Variants in MIGA1 observed in about 807,000 individuals in gnomAD.
MIGA1 encodes the protein family with sequence similarity 73, member A.
In MIGA1, 58 loss-of-function variants were observed where a neutral mutation model predicts 82.0. The observed-to-expected ratio is 0.71, with a 90% CI of 0.57 to 0.88. MIGA1 has a LOEUF of 0.88. Among genes scored for constraint, MIGA1 ranks in the 40% least tolerant of loss-of-function variants. The probability of loss-of-function intolerance (pLI) is 0.00; values close to 1 mark genes in which losing one functional copy is unlikely to be tolerated. For missense variants in MIGA1, 751 were observed against 749.1 expected (o/e 1.00, Z -0.03); for synonymous variants, 249 against 253.6 (o/e 0.98, Z 0.17).
chr1:77,825,728 G>A (rs1684004957), intron 7 of MIGA1, among the ~76,000 whole-genome samples: 1 of 152,088 alleles, frequency 6.6e-6, no homozygotes, highest in Admixed American at 6.5e-5. Context: ...TATTTTCAGA[G>A]ATTGTTAAAT....
At chr1:77,783,185 A>G (rs1006564026) in intron 1 of MIGA1, 53 bp from the exon 2 acceptor site, 1 of 1,265,914 alleles carries the variant, frequency 7.9e-7, no homozygotes, top group Non-Finnish European at 1.1e-6. Flanking sequence ...TTTCATTGGT[A>G]AAGTAACCAG....
chr1:77,843,414 C>A lies in MIGA1; in HGVS notation c.996+7C>A, dbSNP rs763892116. ...CTTTGCTTCCGCAGCAGAGGTAGGA[C>A]ATATGTGTTCCTAATGAGGATTTCT... On this transcript the variant is annotated splice_region_variant and intron_variant, in intron 8 of 15. Coordinates refer to ENST00000370791, the MANE Select transcript of MIGA1 (RefSeq NM_198549.4). 8.7e-6 allele frequency: 14 copies of A among 1,604,464 alleles called. No individual in the cohort carries two copies. Among genetic ancestry groups the A allele is most frequent in the Non-Finnish European group, 1.2e-5 (14 of 1,171,480 alleles).
intron 15 of MIGA1, among the ~76,000 whole-genome samples, chr1:77,874,587 A>G (rs1442116932): frequency 6.6e-6 from 1 of 152,088 alleles, no homozygotes; most frequent in Admixed American, 6.6e-5. Flanking sequence ...CACATAGGTT[A>G]TCTTTTTTGA....
At chr1:77,794,312 C>T (rs537475790) in intron 2 of MIGA1, among the ~76,000 whole-genome samples, 1 of 152,098 alleles carries the variant, frequency 6.6e-6, no homozygotes, top group Non-Finnish European at 1.5e-5. Flanking sequence ...CACCTTATAT[C>T]CTTCAGGATC....
chr1:77,796,453 C>T (rs1012964088), intron 2 of MIGA1, among the ~76,000 whole-genome samples: 4 of 150,964 alleles, frequency 2.6e-5, no homozygotes, highest in African/African-American at 9.8e-5. Context: ...GATGGAGTCT[C>T]ACTTTGTCAC....
At chr1:77,783,018 T>TA (rs1446839299) in intron 1 of MIGA1, 3 of 303,766 alleles carry the variant, frequency 9.9e-6, no homozygotes, top group Non-Finnish European at 1.4e-5. Flanking sequence ...TTTTTTTTTT[T>TA]AACTTCTTAT....
chr1:77,825,707 T>C (rs1336025964), intron 7 of MIGA1, among the ~76,000 whole-genome samples: 1 of 152,244 alleles, frequency 6.6e-6, no homozygotes, highest in African/African-American at 2.4e-5. Flanking sequence ...TTTATGTTTA[T>C]TTGTAGCTTC....
At chr1:77,818,200 C>G (rs1014976466) in intron 7 of MIGA1, among the ~76,000 whole-genome samples, 1 of 151,250 alleles carries the variant, frequency 6.6e-6, no homozygotes, top group African/African-American at 2.4e-5. Flanking sequence ...CTCGGCTCAC[C>G]GCAACCTCCG....
chr1:77,859,618 G>A, intron 10 of MIGA1: 1 of 476,376 alleles, frequency 2.1e-6, no homozygotes, highest in South Asian at 4.3e-5. Flanking sequence ...TGTCAAAACA[G>A]GATATTTTGA....
intron 2 of MIGA1, among the ~76,000 whole-genome samples, chr1:77,788,381 C>T (rs1413733826): frequency 6.6e-6 from 1 of 152,136 alleles, no homozygotes; most frequent in Admixed American, 6.5e-5. Flanking sequence ...TTAAGCGATC[C>T]ACCCACCTTG....
intron 6 of MIGA1, 125 bp downstream of exon 6, chr1:77,813,992 G>A: frequency 8.7e-6 from 8 of 914,862 alleles, no homozygotes; most frequent in Admixed American, 2.5e-5. Context: ...CTGGGCTCAA[G>A]CGATCTTCCC....
At chr1:77,828,660 T>C (rs1050213546) in intron 7 of MIGA1, among the ~76,000 whole-genome samples, 3 of 152,156 alleles carry the variant, frequency 2.0e-5, no homozygotes, top group African/African-American at 7.2e-5. Flanking sequence ...GTAAGTCTGT[T>C]TGTCTTTTTG....
At chr1:77,843,257 A>G in intron 7 of MIGA1, 50 bp from the exon 8 acceptor site, 1 of 1,316,454 alleles carries the variant, frequency 7.6e-7, no homozygotes, top group Non-Finnish European at 1.1e-6. Context: ...GTGAAATACC[A>G]CAATGATGTG....
intron 2 of MIGA1, among the ~76,000 whole-genome samples, chr1:77,785,784 G>A (rs750508838): frequency 1.4e-4 from 22 of 152,234 alleles, no homozygotes; most frequent in Non-Finnish European, 2.2e-4. Flanking sequence ...CCTCCCTCCC[G>A]GCTGCTTTTA....
rs535118636 is a variant in MIGA1 at position 77,806,338 on chromosome 1, C to T, written c.511-637C>T. 2.6e-3 allele frequency among the ~76,000 whole-genome samples: 390 copies of T among 152,284 alleles called. 2 individuals carry two copies. Among genetic ancestry groups the T allele is most frequent in the Non-Finnish European group, 3.3e-3 (227 of 68,034 alleles). On this transcript the variant is annotated intron_variant, in intron 4 of 15. Transcript: ENST00000370791. ...GTTGACTGTTGTATATGTGGTCCGT[C>T]GTTGACCCAGATGTTGTTATGTCGA...
intron 7 of MIGA1, among the ~76,000 whole-genome samples, chr1:77,838,813 G>A (rs1056979385): frequency 6.6e-6 from 1 of 152,096 alleles, no homozygotes; most frequent in African/African-American, 2.4e-5. Context: ...TTTGAATTTT[G>A]CATGAGTGAA....
chr1:77,809,105 TAAA>T (rs925624642), intron 5 of MIGA1, among the ~76,000 whole-genome samples: 1 of 150,534 alleles, frequency 6.6e-6, no homozygotes, highest in Non-Finnish European at 1.5e-5. Flanking sequence ...CCCGTTTTCT[TAAA>T]ACAACAACAA....
chr1:77,791,636 T>A (rs1682433377), intron 2 of MIGA1, among the ~76,000 whole-genome samples: 1 of 149,622 alleles, frequency 6.7e-6, no homozygotes, highest in African/African-American at 2.5e-5. Flanking sequence ...TGATCTTGGC[T>A]CATTGCAACC....
Position 77,806,981 on chromosome 1 carries a change from A to T in MIGA1, c.517A>T (p.Ser173Cys), listed in dbSNP as rs1683124035. The change falls in exon 5 of 16, where the codon AGT becomes TGT. Residue 173 changes from serine (S) to cysteine (C), a missense_variant. This residue lies in a region of MIGA1 where 482 missense variants were observed against 439.4 expected (regional missense o/e 1.10). Transcript: ENST00000370791. ...CTATCCATCTTAATTTTAGGTCCAG[A>T]GTGTCAATTCTTGTCATAGCTGCGC... is the stretch of plus-strand genomic sequence containing the variant. 1 of 1,610,164 alleles carries T rather than the reference A, an allele frequency of 6.2e-7. No individual in the cohort carries two copies. The highest frequency in any genetic ancestry group is 8.5e-7 in the Non-Finnish European group (1 of 1,177,820).
Sources: allele counts gnomAD v4.1 joint callset (sites outside exome capture counted in the v4.1 genomes callset), GRCh38; gene constraint gnomAD v4.1.1; regional missense constraint gnomAD v4.1.1; transcripts MANE v1.5; gene names NCBI Gene and HGNC (gene_info 2026-07-23, HGNC 2026-07-21).